Variants in INTS8 observed in about 807,000 individuals in gnomAD.
INTS8 encodes protein kaonashi-1.
A neutral mutation model predicts 138.9 loss-of-function variants in INTS8; 47 were observed. The observed-to-expected ratio is 0.34, with a 90% CI of 0.27 to 0.43. The LOEUF (loss-of-function observed/expected upper bound fraction) is 0.43. Among genes scored for constraint, INTS8 ranks in the 20% least tolerant of loss-of-function variants. The pLI, the probability that INTS8 is intolerant of heterozygous loss-of-function variation, is 1.00. For missense variants in INTS8, 996 were observed against 1,173.0 expected (o/e 0.85, Z 2.20); for synonymous variants, 392 against 400.9 (o/e 0.98, Z 0.27).
chr8:94,866,814 G>C (rs1039267554), intron 18 of INTS8: 2 of 245,972 alleles, frequency 8.1e-6, no homozygotes, highest in Non-Finnish European at 1.5e-5. Flanking sequence ...TTACTTATTG[G>C]ACGTAACCTA....
In INTS8 at chr8:94,880,395, G is replaced by A. The variant is rs1816761683; in HGVS notation, c.*161G>A. ...TAGTTTAAAAACAAACTATACAGAA[G>A]ACTTCATACCGTAACAATAAATGTA... is the stretch of plus-strand genomic sequence containing the variant. On this transcript the variant is annotated 3_prime_UTR_variant, in exon 27 of 27. Transcript: ENST00000523731. 2.1e-6 allele frequency: 1 copy of A among 475,206 alleles called. No individual in the cohort carries two copies. Among genetic ancestry groups the A allele is most frequent in the Admixed American group, 3.9e-5 (1 of 25,958 alleles). The allele number at this position is 475,206 out of a possible 1,614,324, so 29.4% of individuals were successfully genotyped here. A position where few individuals can be genotyped will look rare whatever the true frequency, so the allele number is the denominator to read the frequency against.
intron 14 of INTS8, among the ~76,000 whole-genome samples, chr8:94,854,211 A>C (rs1199101461): frequency 6.6e-6 from 1 of 151,542 alleles, no homozygotes; most frequent in African/African-American, 2.4e-5. Context: ...ATCTCGGAAA[A>C]AAAAAAAAAA....
Position 94,836,626 on chromosome 8 carries a change from G to T in INTS8, c.856G>T (p.Ala286Ser). ...ATTTTTTAGAACCAAAGAACTAATT[G>T]CAGAGGTAAATCCAGTCATAATAGG... ...EKFFRTKELI[A>S]EIGSLSLHCT... Residue 286 changes from alanine to serine, a missense_variant, in exon 7 of 27, where the codon GCA becomes TCA. Physicochemically the swap from Ala to Ser is moderately conservative, Grantham distance 99. Transcript: ENST00000523731. 1.3e-6 allele frequency: 2 copies of T among 1,583,288 alleles called. No individual in the cohort carries two copies. Among genetic ancestry groups the T allele is most frequent in the Non-Finnish European group, 1.7e-6 (2 of 1,152,256 alleles).
chr8:94,873,339 AC>A (rs766434025), intron 21 of INTS8, 34 bp from the exon 22 acceptor site: 1 of 1,417,130 alleles, frequency 7.1e-7, no homozygotes, highest in South Asian at 1.1e-5. Context: ...TTCAACTGTT[AC>A]CTCTAATGCT....
chr8:94,824,067 A>G (rs889986224), intron 1 of INTS8, among the ~76,000 whole-genome samples: 1 of 152,244 alleles, frequency 6.6e-6, no homozygotes, highest in African/African-American at 2.4e-5. Context: ...GTTAAAAGAA[A>G]ATCTTTGAAA....
intron 13 of INTS8, 93 bp downstream of exon 13, chr8:94,851,779 G>A: frequency 2.9e-6 from 3 of 1,022,860 alleles, no homozygotes; most frequent in Non-Finnish European, 2.8e-6. Flanking sequence ...TTGATAATAA[G>A]GACCTCTTAC....
chr8:94,832,237 C>A, intron 6 of INTS8, 63 bp downstream of exon 6: 1 of 1,151,946 alleles, frequency 8.7e-7, no homozygotes. Context: ...ATGAGATCAT[C>A]CTCCTATTTT....
At chr8:94,852,693 A>G (rs955605104) in intron 13 of INTS8, among the ~76,000 whole-genome samples, 1 of 151,994 alleles carries the variant, frequency 6.6e-6, no homozygotes, top group Admixed American at 6.6e-5. Flanking sequence ...GGTTCAAGCA[A>G]TTCTCCTTCC....
chr8:94,842,330 A>C lies in INTS8; in HGVS notation c.1119-17A>C. 6.6e-7 allele frequency: 1 copy of C among 1,525,996 alleles called. No homozygotes were observed. The highest frequency in any genetic ancestry group is 8.9e-7 in the Non-Finnish European group (1 of 1,118,462). 94.5% of individuals were successfully genotyped at this position (1,525,996 alleles called of 1,614,324 possible). ...TAGTAAAAATAACATTAGTTGATCT[A>C]CTTTTGTATTCTACAGAAATGAAGC... On this transcript the variant is annotated splice_polypyrimidine_tract_variant and intron_variant, in intron 9 of 26. Transcript: ENST00000523731.
chr8:94,868,479 T>C (rs1816264511), intron 20 of INTS8, among the ~76,000 whole-genome samples: 1 of 151,988 alleles, frequency 6.6e-6, no homozygotes, highest in Non-Finnish European at 1.5e-5. Context: ...AGCAGGTGAG[T>C]GCCCCTGCCC....
intron 10 of INTS8, among the ~76,000 whole-genome samples, chr8:94,844,777 C>T (rs1225714118): frequency 2.1e-5 from 3 of 141,232 alleles, no homozygotes; most frequent in Admixed American, 1.5e-4. Flanking sequence ...TTGTTTGAGA[C>T]GGGTCTCACT....
intron 4 of INTS8, 76 bp downstream of exon 4, chr8:94,827,869 C>A: frequency 8.6e-7 from 1 of 1,163,028 alleles, no homozygotes; most frequent in Non-Finnish European, 1.3e-6. Context: ...TTTTTAATAA[C>A]CTCTGTTATA....
chr8:94,870,801 A>T (rs549089149), intron 20 of INTS8, among the ~76,000 whole-genome samples: 2 of 152,328 alleles, frequency 1.3e-5, no homozygotes, highest in South Asian at 4.1e-4. Context: ...TGATAGAGCC[A>T]TGCGTCTGAA....
chr8:94,878,694 T>C (rs1013844770), intron 26 of INTS8, among the ~76,000 whole-genome samples: 2 of 152,126 alleles, frequency 1.3e-5, no homozygotes, highest in Non-Finnish European at 2.9e-5. Flanking sequence ...CCCTCAGCCC[T>C]CTCTGCCTAG....
chr8:94,834,328 A>G (rs1372786202), intron 6 of INTS8, among the ~76,000 whole-genome samples: 1 of 151,680 alleles, frequency 6.6e-6, no homozygotes, highest in African/African-American at 2.4e-5. Context: ...GGGGAATTAT[A>G]TATAACTGTA....
At chr8:94,867,404 T>C in intron 20 of INTS8, 67 bp downstream of exon 20, 1 of 1,084,362 alleles carries the variant, frequency 9.2e-7, no homozygotes, top group Non-Finnish European at 1.4e-6. Flanking sequence ...CTGACTAGTA[T>C]AGATACCCTT....
intron 16 of INTS8, among the ~76,000 whole-genome samples, chr8:94,862,020 A>G (rs1816007486): frequency 6.6e-6 from 1 of 151,350 alleles, no homozygotes; most frequent in African/African-American, 2.4e-5. Flanking sequence ...GGCTCATTGC[A>G]ACCTCTACCT....
chr8:94,881,056 T>C lies in INTS8; in HGVS notation c.*822T>C, dbSNP rs1816790279. The C allele has an allele frequency of 5.0e-6, 2 of 398,200 alleles. No homozygotes were observed. Among genetic ancestry groups the C allele is most frequent in the East Asian group, 3.6e-5 (1 of 27,996 alleles). 24.7% of individuals were successfully genotyped at this position (398,200 alleles called of 1,614,324 possible). On this transcript the variant is annotated 3_prime_UTR_variant, in exon 27 of 27. Transcript: ENST00000523731. The stretch of plus-strand genomic sequence containing the variant: ...GGCAAATAAACTAGTTTAAAAAACA[T>C]TAAATTTCACCATTTGTAGAAATTC...
chr8:94,849,788 TA>T, intron 11 of INTS8, 127 bp from the exon 12 acceptor site: 1 of 659,840 alleles, frequency 1.5e-6, no homozygotes, highest in East Asian at 3.0e-5. Context: ...AAATCTATTT[TA>T]AAATATCATT....
Sources: gnomAD v4.1 joint callset for allele counts (sites outside exome capture counted in the v4.1 genomes callset) on GRCh38, gnomAD v4.1.1 for gene constraint, MANE v1.5 for transcripts, NCBI Gene and HGNC (gene_info 2026-07-23, HGNC 2026-07-21) for gene names.